Variants in GDAP1 observed in about 807,000 individuals in gnomAD.
GDAP1 encodes ganglioside induced differentiation associated protein 1, also known as ganglioside-induced differentiation-associated protein 1.
In GDAP1, 34 loss-of-function variants were observed where a neutral mutation model predicts 40.1. That is an observed-to-expected ratio of 0.85 (90% CI 0.64 to 1.13). GDAP1 has a LOEUF of 1.13. GDAP1 is among the 50% of genes most tolerant of loss of function. The pLI, the probability that GDAP1 is intolerant of heterozygous loss-of-function variation, is 0.00. For missense variants in GDAP1, 374 were observed against 433.7 expected, an observed-to-expected ratio of 0.86 and a Z score of 1.22; for synonymous variants, 170 against 157.4, an observed-to-expected ratio of 1.08 and a Z score of -0.60.
intron 2 of GDAP1, among the ~76,000 whole-genome samples, chr8:74,449,391 T>C (rs1563473019): frequency 6.6e-6 from 1 of 151,840 alleles, no homozygotes; most frequent in Non-Finnish European, 1.5e-5. Flanking sequence ...TTGATAGGAG[T>C]TACATTGAAT....
chr8:74,390,711 G>A (rs1055171592), intron 2 of GDAP1, among the ~76,000 whole-genome samples: 4 of 152,208 alleles, frequency 2.6e-5, no homozygotes, highest in African/African-American at 9.7e-5. Flanking sequence ...CTTGAGCGCT[G>A]TCCTAGGAGA....
intron 2 of GDAP1, among the ~76,000 whole-genome samples, chr8:74,482,679 A>T (rs754185181): frequency 1.3e-5 from 2 of 152,168 alleles, no homozygotes; most frequent in Non-Finnish European, 2.9e-5. Flanking sequence ...TTTCTCCACG[A>T]CACATGCATA....
intron 2 of GDAP1, among the ~76,000 whole-genome samples, chr8:74,425,255 A>G (rs1805933081): frequency 6.6e-6 from 1 of 152,234 alleles, no homozygotes; most frequent in Admixed American, 6.5e-5. Flanking sequence ...GTTGATGAGT[A>G]CCATTTTCAA....
chr8:74,485,209 A>T (rs1365714826), intron 2 of GDAP1, among the ~76,000 whole-genome samples: 1 of 152,164 alleles, frequency 6.6e-6, no homozygotes, highest in African/African-American at 2.4e-5. Context: ...CCATGATACG[A>T]TTATGAAATC....
At chr8:74,447,826 A>T (rs1806251501) in intron 2 of GDAP1, among the ~76,000 whole-genome samples, 1 of 152,182 alleles carries the variant, frequency 6.6e-6, no homozygotes, top group Non-Finnish European at 1.5e-5. Context: ...TAACAATATT[A>T]TATAAAATGA....
At chr8:74,373,439 C>G (rs6988094) in intron 2 of GDAP1, among the ~76,000 whole-genome samples, 151,307 of 152,260 alleles carry the variant, frequency 0.99, 75,186 homozygotes, top group East Asian at 1. Flanking sequence ...TCGTTGAGCA[C>G]TGGTTTGTAG....
intron 2 of GDAP1, among the ~76,000 whole-genome samples, chr8:74,393,901 T>G (rs759493782): frequency 2.6e-5 from 4 of 152,156 alleles, no homozygotes; most frequent in Non-Finnish European, 5.9e-5. Flanking sequence ...GTTTGGATAA[T>G]TTTTGAGACT....
intron 2 of GDAP1, among the ~76,000 whole-genome samples, chr8:74,353,291 G>A (rs79859381): frequency 0.024 from 3,710 of 152,244 alleles, 155 homozygotes; most frequent in African/African-American, 0.085. Context: ...TTGTAACTCA[G>A]CAATCAAGAG....
intron 2 of GDAP1, among the ~76,000 whole-genome samples, chr8:74,422,352 C>CCTTCCTT (rs1245003353): frequency 3.7e-3 from 125 of 34,218 alleles, no homozygotes; most frequent in African/African-American, 0.012. Flanking sequence ...TTTCTTTCTT[C>CCTTCCTT]CCTTCCTTCC....
chr8:74,418,801 T>C (rs1805819538), intron 2 of GDAP1, among the ~76,000 whole-genome samples: 1 of 152,182 alleles, frequency 6.6e-6, no homozygotes, highest in African/African-American at 2.4e-5. Context: ...AGGTCATGTA[T>C]TTAAAACATA....
At chr8:74,477,534 G>A (rs2128721241) in intron 2 of GDAP1, among the ~76,000 whole-genome samples, 1 of 151,974 alleles carries the variant, frequency 6.6e-6, no homozygotes, top group South Asian at 2.1e-4. Context: ...AACTGGCTTT[G>A]TTATTGGAAG....
intron 2 of GDAP1, among the ~76,000 whole-genome samples, chr8:74,463,811 AACT>A (rs2131581117): frequency 6.6e-6 from 1 of 152,356 alleles, no homozygotes; most frequent in East Asian, 1.9e-4. Context: ...TAGTAATCAA[AACT>A]TCTGTGTATT....
intron 2 of GDAP1, among the ~76,000 whole-genome samples, chr8:74,375,617 A>G (rs1239731621): frequency 6.6e-6 from 1 of 152,218 alleles, no homozygotes; most frequent in Non-Finnish European, 1.5e-5. Context: ...GATACTAGAA[A>G]TAGAAGGAAA....
chr8:74,359,678 G>A (rs1420888306), intron 2 of GDAP1, among the ~76,000 whole-genome samples: 1 of 152,202 alleles, frequency 6.6e-6, no homozygotes. Context: ...GTGGAGAACT[G>A]TGCTAGACTC....
In GDAP1 at chr8:74,405,537, G is replaced by C. The variant is rs1274207304; in HGVS notation, c.165+54216G>C. Among the ~76,000 whole-genome samples, 2 of 150,026 alleles carry C rather than the reference G, an allele frequency of 1.3e-5. 1 individual carries two copies. The highest frequency in any genetic ancestry group is 5.1e-5 in the African/African-American group (2 of 39,390). On this transcript the variant is annotated intron_variant, in intron 2 of 2. Coordinates refer to the GDAP1 transcript ENST00000523640. ...GTTTGTTAAACTGAAGCAAACTAAA[G>C]TTTACTGTTGTCCGTGCTGGGCTAA...
rs565901784 is a variant in GDAP1 at position 74,362,953 on chromosome 8, T to C, written c.594T>C (p.Asp198=). 80 of 1,520,952 alleles carry C rather than the reference T, an allele frequency of 5.3e-5. 1 individual carries two copies. The South Asian group carries it at 8.7e-4, about 17-fold the overall frequency. 94.2% of individuals were successfully genotyped at this position (1,520,952 alleles called of 1,614,324 possible). ...KQKRLKSKLL[D]HDNVKYLKKI... is the part of the protein sequence containing the mutation. The stretch of plus-strand genomic sequence containing the variant: ...TGGTTAATTAGTCAAAGCTGCTTGA[T>C]CATGACAATGTCAAGTATTTGAAGA... The change falls in exon 5 of 6, where the codon GAT becomes GAC. Residue 198 remains aspartate (D), a synonymous_variant. Coordinates refer to ENST00000220822, the MANE Select transcript of GDAP1 (RefSeq NM_018972.4).
At chr8:74,430,075 A>C (rs1806006855) in intron 2 of GDAP1, among the ~76,000 whole-genome samples, 1 of 152,214 alleles carries the variant, frequency 6.6e-6, no homozygotes, top group Non-Finnish European at 1.5e-5. Context: ...ACTTATAGCC[A>C]TATAAAAAGA....
intron 2 of GDAP1, among the ~76,000 whole-genome samples, chr8:74,467,761 C>T (rs1033933889): frequency 6.6e-6 from 1 of 152,110 alleles, no homozygotes; most frequent in African/African-American, 2.4e-5. Flanking sequence ...AACTGTAGAA[C>T]CCGGGGGCTG....
At chr8:74,427,615 C>A (rs559142558) in intron 2 of GDAP1, among the ~76,000 whole-genome samples, 2 of 152,196 alleles carry the variant, frequency 1.3e-5, no homozygotes, top group Non-Finnish European at 2.9e-5. Context: ...TGTCTTTGTA[C>A]CCTGAGAGGC....
Sources: allele counts gnomAD v4.1 joint callset (sites outside exome capture counted in the v4.1 genomes callset), GRCh38; gene constraint gnomAD v4.1.1; transcripts MANE v1.5; gene names NCBI Gene and HGNC (gene_info 2026-07-23, HGNC 2026-07-21).